RGS6: variants seen among roughly 807,000 people sequenced by gnomAD.
RGS6 encodes the protein regulator of G-protein signaling 6.
RGS6 carries 30 observed loss-of-function variants against 78.5 expected under a neutral mutation model. The observed-to-expected ratio is 0.38, with a 90% CI of 0.29 to 0.52. The LOEUF (loss-of-function observed/expected upper bound fraction) is 0.52, where lower values mean the gene tolerates loss of function less well. RGS6 is among the 20% of genes least tolerant of loss of function. The probability of loss-of-function intolerance (pLI) is 0.85; values close to 1 mark genes in which losing one functional copy is unlikely to be tolerated. For missense variants in RGS6, 495 were observed against 609.7 expected, an observed-to-expected ratio of 0.81 and a Z score of 1.98; for synonymous variants, 206 against 206.0, an observed-to-expected ratio of 1.00 and a Z score of 0.00.
At chr14:72,069,962 A>G (rs1441282661) in intron 2 of RGS6, among the ~76,000 whole-genome samples, 2 of 152,154 alleles carry the variant, frequency 1.3e-5, no homozygotes, top group African/African-American at 4.8e-5. Context: ...CACCTTCTTC[A>G]ACTTGGATTC....
chr14:72,394,604 C>G lies in RGS6; in HGVS notation c.184+42410C>G, dbSNP rs563732041. 1.1e-3 allele frequency among the ~76,000 whole-genome samples: 162 copies of G among 152,324 alleles called. 1 individual carries two copies. Among genetic ancestry groups the G allele is most frequent in the Non-Finnish European group, 1.9e-3 (132 of 68,028 alleles). ...CTCTTGAAAGAAGAGAAAGATGGCT[C>G]TGTTCCGCCTGGCTCTCAGGCTACC... On this transcript the variant is annotated intron_variant, in intron 3 of 17. Transcript: ENST00000553525.
chr14:72,264,920 G>C (rs564276371), intron 2 of RGS6, among the ~76,000 whole-genome samples: 1 of 152,192 alleles, frequency 6.6e-6, no homozygotes, highest in Admixed American at 6.5e-5. Flanking sequence ...TCGGTACCAC[G>C]TTCTGGTGCT....
intron 2 of RGS6, among the ~76,000 whole-genome samples, chr14:72,189,620 C>T (rs904668008): frequency 3.9e-5 from 6 of 151,950 alleles, no homozygotes; most frequent in Admixed American, 1.3e-4. Context: ...TCATTACATA[C>T]CTAGCTGTAA....
At chr14:72,219,775 A>T (rs1270535704) in intron 2 of RGS6, among the ~76,000 whole-genome samples, 3 of 152,190 alleles carry the variant, frequency 2.0e-5, no homozygotes, top group Non-Finnish European at 4.4e-5. Context: ...GACTACATAG[A>T]ATTTCACATT....
chr14:72,064,001 GT>G (rs892875754), intron 2 of RGS6, among the ~76,000 whole-genome samples: 3 of 152,164 alleles, frequency 2.0e-5, no homozygotes, highest in Admixed American at 2.0e-4. Context: ...GTAGTTCTTT[GT>G]TTTTCTCTAG....
At chr14:72,526,776 G>A (rs920213307) in intron 15 of RGS6, among the ~76,000 whole-genome samples, 1 of 152,220 alleles carries the variant, frequency 6.6e-6, no homozygotes, top group Non-Finnish European at 1.5e-5. Flanking sequence ...TCACTTATGT[G>A]GATGTCCATA....
the RGS6 span, among the ~76,000 whole-genome samples, chr14:71,889,679 T>C: frequency 4.6e-5 from 7 of 152,042 alleles, no homozygotes; most frequent in South Asian, 1.5e-3. Context: ...GGTGATAACT[T>C]TTCTATGTTG....
intron 3 of RGS6, among the ~76,000 whole-genome samples, chr14:72,436,409 C>G (rs1455618205): frequency 6.6e-6 from 1 of 151,940 alleles, no homozygotes; most frequent in Admixed American, 6.6e-5. Context: ...ATGGATATGA[C>G]CATTGCTCAG....
chr14:72,472,982 T>A, intron 9 of RGS6, 29 bp downstream of exon 9: 1 of 1,477,772 alleles, frequency 6.8e-7, no homozygotes, highest in Non-Finnish European at 9.2e-7. Context: ...ATTCTCTAGA[T>A]TTTTTTTTCT....
chr14:72,153,608 A>T (rs1215044459), intron 2 of RGS6, among the ~76,000 whole-genome samples: 1 of 152,160 alleles, frequency 6.6e-6, no homozygotes, highest in Non-Finnish European at 1.5e-5. Flanking sequence ...AAAGAGAGGA[A>T]TTTTACACCT....
chr14:72,075,220 T>TA (rs1416884591), intron 2 of RGS6, among the ~76,000 whole-genome samples: 1 of 152,342 alleles, frequency 6.6e-6, no homozygotes, highest in East Asian at 1.9e-4. Flanking sequence ...CCATGGTGTT[T>TA]AAAAGTAAAC....
chr14:72,392,011 T>C (rs72726120), intron 3 of RGS6, among the ~76,000 whole-genome samples: 33,423 of 151,984 alleles, frequency 0.22, 4,160 homozygotes, highest in South Asian at 0.37. Flanking sequence ...ACGTTTAACA[T>C]CTTTTATTTA....
chr14:71,933,561 T>C (rs1292022521), intron 1 of RGS6, among the ~76,000 whole-genome samples: 1 of 152,170 alleles, frequency 6.6e-6, no homozygotes, highest in Non-Finnish European at 1.5e-5. Flanking sequence ...CGTAAAGAAG[T>C]GGCCCAGTGA....
chr14:72,337,660 A>G (rs1033570697), intron 2 of RGS6, among the ~76,000 whole-genome samples: 5 of 152,154 alleles, frequency 3.3e-5, no homozygotes, highest in Non-Finnish European at 5.9e-5. Context: ...CTGCCTGACT[A>G]TGCTGCAGGC....
chr14:72,159,675 G>T (rs1278347002), intron 2 of RGS6, among the ~76,000 whole-genome samples: 3 of 152,158 alleles, frequency 2.0e-5, no homozygotes, highest in Non-Finnish European at 4.4e-5. Context: ...TGTTTCCAGT[G>T]CTCCACATAT....
the RGS6 span, among the ~76,000 whole-genome samples, chr14:72,627,244 A>G: frequency 6.6e-6 from 1 of 152,160 alleles, no homozygotes; most frequent in African/African-American, 2.4e-5. Context: ...ATTAAAGAGG[A>G]ATTTACTTGT....
intron 2 of RGS6, among the ~76,000 whole-genome samples, chr14:72,299,210 C>T (rs899327852): frequency 2.0e-5 from 3 of 152,118 alleles, no homozygotes; most frequent in Admixed American, 2.0e-4. Context: ...TTTAGCTATA[C>T]AGCTAATTTT....
At chr14:71,999,243 G>A (rs2082931546) in intron 2 of RGS6, among the ~76,000 whole-genome samples, 1 of 152,144 alleles carries the variant, frequency 6.6e-6, no homozygotes, top group Admixed American at 6.5e-5. Flanking sequence ...ATAAGTCCTG[G>A]TTATTTAGTT....
chr14:72,469,394 A>T (rs1448398562), intron 7 of RGS6, among the ~76,000 whole-genome samples: 1 of 152,118 alleles, frequency 6.6e-6, no homozygotes, highest in African/African-American at 2.4e-5. Flanking sequence ...TTTAGTAGAG[A>T]TGGGGTTTCA....
Sources: allele counts gnomAD v4.1 joint callset (sites outside exome capture counted in the v4.1 genomes callset), GRCh38; gene constraint gnomAD v4.1.1; transcripts MANE v1.5; gene names NCBI Gene and HGNC (gene_info 2026-07-23, HGNC 2026-07-21).